Variants in PHLPP1 observed in about 807,000 individuals in gnomAD.
PHLPP1 encodes the protein PH domain leucine-rich repeat-containing protein phosphatase 1.
In PHLPP1, 42 loss-of-function variants were observed where a neutral mutation model predicts 117.2. That is an observed-to-expected ratio of 0.36 (90% confidence interval 0.28 to 0.46). The LOEUF (loss-of-function observed/expected upper bound fraction) is 0.46, where lower values mean the gene tolerates loss of function less well. Ranked by LOEUF, PHLPP1 falls within the 20% of genes least tolerant of loss-of-function variation. PHLPP1 has a pLI of 1.00. For synonymous variants in PHLPP1, 1,042 were observed against 970.7 expected (o/e 1.07, Z -1.37); for missense variants, 2,084 against 2,241.9 (o/e 0.93, Z 1.42).
chr18:62,979,125 G>A lies in PHLPP1; in HGVS notation c.4848G>A (p.Gly1616=). 6.2e-7 allele frequency: 1 copy of A among 1,613,980 alleles called. No homozygotes were observed. The highest frequency in any genetic ancestry group is 1.3e-5 in the African/African-American group (1 of 75,064). The change falls in exon 17 of 17, where the codon GGG becomes GGA. Residue 1616 remains glycine, a synonymous_variant. Coordinates refer to ENST00000262719, the MANE Select transcript of PHLPP1 (RefSeq NM_194449.4). ...LPRKADFSAV[G]TIGRRRANGS... ...GGAAGGCAGACTTCTCTGCCGTTGG[G>A]ACCATTGGGCGCCGGAGGGCCAATG...
At chr18:62,773,456 G>A (rs1912856634) in intron 1 of PHLPP1, among the ~76,000 whole-genome samples, 1 of 152,202 alleles carries the variant, frequency 6.6e-6, no homozygotes, top group South Asian at 2.1e-4. Flanking sequence ...GCATTTCAGA[G>A]ATGGGTGTTG....
intron 1 of PHLPP1, among the ~76,000 whole-genome samples, chr18:62,822,375 G>A (rs967695474): frequency 4.9e-5 from 7 of 144,292 alleles, no homozygotes; most frequent in Admixed American, 1.5e-4. Flanking sequence ...TCTGCCTCCC[G>A]GGTTCATGCC....
intron 10 of PHLPP1, among the ~76,000 whole-genome samples, chr18:62,925,184 G>T (rs530843263): frequency 6.6e-6 from 1 of 152,104 alleles, no homozygotes; most frequent in Non-Finnish European, 1.5e-5. Context: ...CAGAGGGATT[G>T]CCATCCTTCT....
intron 1 of PHLPP1, among the ~76,000 whole-genome samples, chr18:62,726,102 ATATG>A (rs1224930504): frequency 1.3e-5 from 2 of 151,818 alleles, no homozygotes; most frequent in Non-Finnish European, 2.9e-5. Flanking sequence ...CACACTATAT[ATATG>A]TATGTGTATA....
intron 1 of PHLPP1, among the ~76,000 whole-genome samples, chr18:62,793,462 T>C (rs1268836915): frequency 6.6e-6 from 1 of 152,360 alleles, no homozygotes; most frequent in South Asian, 2.1e-4. Flanking sequence ...ACTTATAGTT[T>C]AGCGCTGGCC....
chr18:62,813,191 G>A (rs2144313436), intron 1 of PHLPP1, among the ~76,000 whole-genome samples: 1 of 152,280 alleles, frequency 6.6e-6, no homozygotes, highest in East Asian at 1.9e-4. Context: ...AGCTGAAGAA[G>A]CTCATAAAAG....
intron 7 of PHLPP1, among the ~76,000 whole-genome samples, chr18:62,904,292 C>T (rs754157485): frequency 6.6e-6 from 1 of 152,162 alleles, no homozygotes; most frequent in African/African-American, 2.4e-5. Context: ...GGGATGCATG[C>T]TTTTGTCAGA....
intron 10 of PHLPP1, among the ~76,000 whole-genome samples, chr18:62,934,466 C>T (rs571694841): frequency 2.1e-3 from 326 of 152,208 alleles, no homozygotes; most frequent in African/African-American, 7.6e-3. Context: ...TGAATTAATA[C>T]AGAAACAGAA....
At chr18:62,899,365 C>G (rs145197065) in intron 6 of PHLPP1, among the ~76,000 whole-genome samples, 6 of 152,306 alleles carry the variant, frequency 3.9e-5, no homozygotes, top group South Asian at 2.1e-4. Flanking sequence ...GCTATTCAGG[C>G]AGGCACCAAA....
intron 1 of PHLPP1, chr18:62,826,155 TTTG>T (rs1914608160): frequency 6.2e-6 from 2 of 323,234 alleles, no homozygotes; most frequent in Middle Eastern, 5.8e-4. Flanking sequence ...TATTTATTTA[TTTG>T]TTTTTTTTTT....
chr18:62,943,740 A>G (rs1293972938), intron 11 of PHLPP1, among the ~76,000 whole-genome samples: 1 of 152,138 alleles, frequency 6.6e-6, no homozygotes, highest in African/African-American at 2.4e-5. Flanking sequence ...ACCGGGCCCC[A>G]CCTCTGACAC....
At chr18:62,750,516 G>T (rs985092522) in intron 1 of PHLPP1, among the ~76,000 whole-genome samples, 1 of 151,996 alleles carries the variant, frequency 6.6e-6, no homozygotes, top group African/African-American at 2.4e-5. Flanking sequence ...TCAAAACCCC[G>T]CACTTATATT....
At chr18:62,890,303 G>C (rs1265145206) in intron 4 of PHLPP1, among the ~76,000 whole-genome samples, 2 of 151,582 alleles carry the variant, frequency 1.3e-5, no homozygotes, top group African/African-American at 4.9e-5. Flanking sequence ...GTCTTGCTTT[G>C]TCACCCAGGC....
At chr18:62,721,431 T>G (rs80141619) in intron 1 of PHLPP1, among the ~76,000 whole-genome samples, 2,675 of 136,052 alleles carry the variant, frequency 0.02, 62 homozygotes, top group African/African-American at 0.052. Context: ...GGGGTGTGGG[T>G]GTGTGTGTGT....
chr18:62,749,686 C>G (rs1911784922), intron 1 of PHLPP1, among the ~76,000 whole-genome samples: 1 of 152,172 alleles, frequency 6.6e-6, no homozygotes, highest in African/African-American at 2.4e-5. Flanking sequence ...GCCTGCACAT[C>G]TCTGGTGTCT....
At chr18:62,807,136 G>T (rs1483401530) in intron 1 of PHLPP1, among the ~76,000 whole-genome samples, 1 of 151,812 alleles carries the variant, frequency 6.6e-6, no homozygotes, top group Non-Finnish European at 1.5e-5. Context: ...CAATCTTTGG[G>T]ATTATTGCAA....
At chr18:62,973,764 G>A (rs7241035) in intron 15 of PHLPP1, among the ~76,000 whole-genome samples, 2,707 of 152,264 alleles carry the variant, frequency 0.018, 60 homozygotes, top group African/African-American at 0.061. Flanking sequence ...TATCCAGCAA[G>A]CCCTTAATAT....
intron 9 of PHLPP1, 103 bp downstream of exon 9, chr18:62,915,111 C>T (rs1305909138): frequency 1.3e-6 from 1 of 779,648 alleles, no homozygotes; most frequent in Admixed American, 2.7e-5. Context: ...AAAGAGTTTG[C>T]TTTAAAAACT....
intron 5 of PHLPP1, among the ~76,000 whole-genome samples, chr18:62,895,575 G>C (rs1916538486): frequency 6.6e-6 from 1 of 152,148 alleles, no homozygotes; most frequent in Non-Finnish European, 1.5e-5. Context: ...AACTAGTCAT[G>C]ATTTTCATTT....
Sources: allele counts gnomAD v4.1 joint callset (sites outside exome capture counted in the v4.1 genomes callset), GRCh38; gene constraint gnomAD v4.1.1; transcripts MANE v1.5; gene names NCBI Gene and HGNC (gene_info 2026-07-23, HGNC 2026-07-21).